Variants in CCNY observed in about 807,000 individuals in gnomAD.
CCNY encodes cyclin Y.
CCNY carries 19 observed loss-of-function variants against 42.8 expected under a neutral mutation model. That is an observed-to-expected ratio of 0.44 (90% CI 0.31 to 0.65). CCNY has a LOEUF of 0.65. CCNY is among the 30% of genes least tolerant of loss of function. The pLI, the probability that CCNY is intolerant of heterozygous loss-of-function variation, is 0.07. For missense variants in CCNY, 370 were observed against 437.3 expected (o/e 0.85, Z 1.37); for synonymous variants, 165 against 162.7 (o/e 1.01, Z -0.11).
chr10:35,527,659 A>G (rs1006397773), intron 5 of CCNY, among the ~76,000 whole-genome samples: 2 of 152,258 alleles, frequency 1.3e-5, no homozygotes, highest in South Asian at 2.1e-4. Context: ...GCTCTCCTAG[A>G]TTAATGATGA....
intron 1 of CCNY, among the ~76,000 whole-genome samples, chr10:35,413,872 G>GGA (rs1305873489): frequency 2.0e-5 from 3 of 152,138 alleles, no homozygotes; most frequent in Non-Finnish European, 2.9e-5. Flanking sequence ...GAGAAGTGAG[G>GGA]GAGAGAGAGA....
At chr10:35,281,889 G>A (rs1412216328) in intron 3 of CCNY, among the ~76,000 whole-genome samples, 1 of 152,098 alleles carries the variant, frequency 6.6e-6, no homozygotes, top group Non-Finnish European at 1.5e-5. Context: ...AATGAGATAT[G>A]TTTTATCTCT....
chr10:35,266,354 C>A (rs112509669), intron 3 of CCNY, among the ~76,000 whole-genome samples: 2 of 148,642 alleles, frequency 1.3e-5, no homozygotes, highest in Admixed American at 6.9e-5. Context: ...CCAGCTTTGG[C>A]CTCCCAAAGT....
At chr10:35,341,930 C>T (rs181708316) in intron 1 of CCNY, among the ~76,000 whole-genome samples, 89 of 152,262 alleles carry the variant, frequency 5.8e-4, no homozygotes, top group Non-Finnish European at 3.1e-4. Context: ...TGTGGCCTTA[C>T]ATCCTTAAGG....
intron 7 of CCNY, among the ~76,000 whole-genome samples, chr10:35,542,633 C>T (rs1304476427): frequency 1.3e-5 from 2 of 152,164 alleles, no homozygotes; most frequent in Non-Finnish European, 2.9e-5. Context: ...TTGGCAGGGC[C>T]CAGCCATTGC....
chr10:35,542,779 A>G (rs1841031080), intron 7 of CCNY, among the ~76,000 whole-genome samples: 1 of 152,234 alleles, frequency 6.6e-6, no homozygotes, highest in Non-Finnish European at 1.5e-5. Flanking sequence ...TTTATGGGTC[A>G]CTTTTAATAG....
chr10:35,390,689 G>T (rs1046215720), intron 1 of CCNY, among the ~76,000 whole-genome samples: 3 of 152,112 alleles, frequency 2.0e-5, no homozygotes, highest in African/African-American at 7.2e-5. Context: ...TCTTCCCTCA[G>T]TAACCCCCAG....
intron 1 of CCNY, among the ~76,000 whole-genome samples, chr10:35,445,288 T>C (rs1345034103): frequency 6.6e-6 from 1 of 152,206 alleles, no homozygotes; most frequent in Admixed American, 6.5e-5. Flanking sequence ...CCTGCTCTTC[T>C]GCCTCCCACT....
intron 2 of CCNY, among the ~76,000 whole-genome samples, chr10:35,490,895 C>T (rs1186889791): frequency 6.6e-6 from 1 of 152,238 alleles, no homozygotes; most frequent in Non-Finnish European, 1.5e-5. Context: ...TCCTGCATCA[C>T]ACCTCAGCCC....
chr10:35,295,798 A>T (rs1280538058), intron 3 of CCNY, among the ~76,000 whole-genome samples: 1 of 152,126 alleles, frequency 6.6e-6, no homozygotes, highest in Non-Finnish European at 1.5e-5. Context: ...GTTCATCCAT[A>T]TCATATCACG....
intron 3 of CCNY, among the ~76,000 whole-genome samples, chr10:35,290,373 G>A (rs1303241701): frequency 6.6e-6 from 1 of 150,516 alleles, no homozygotes; most frequent in Non-Finnish European, 1.5e-5. Flanking sequence ...CTGAGATTGT[G>A]CCACTGCACT....
At chr10:35,514,127 C>G (rs1840380376) in intron 3 of CCNY, among the ~76,000 whole-genome samples, 3 of 146,734 alleles carry the variant, frequency 2.0e-5, no homozygotes, top group Non-Finnish European at 4.5e-5. Flanking sequence ...AAGAGCATTT[C>G]TAGTAGAAGG....
chr10:35,557,087 C>G (rs557915324), intron 8 of CCNY, among the ~76,000 whole-genome samples: 1 of 152,266 alleles, frequency 6.6e-6, no homozygotes, highest in South Asian at 2.1e-4. Flanking sequence ...CTTAGGTGAT[C>G]TGCCCACCTC....
chr10:35,537,062 T>G (rs193192414), intron 7 of CCNY, among the ~76,000 whole-genome samples: 2 of 152,158 alleles, frequency 1.3e-5, no homozygotes, highest in Non-Finnish European at 2.9e-5. Context: ...TCCTGTGCTA[T>G]GTGCAGTCTA....
At chr10:35,293,078 C>A (rs532485181) in intron 3 of CCNY, among the ~76,000 whole-genome samples, 2 of 152,300 alleles carry the variant, frequency 1.3e-5, no homozygotes, top group South Asian at 2.1e-4. Context: ...CCGTGCCCGG[C>A]CTGTTATCCT....
chr10:35,558,402 T>C (rs1301906595), intron 8 of CCNY, among the ~76,000 whole-genome samples: 1 of 152,358 alleles, frequency 6.6e-6, no homozygotes, highest in South Asian at 2.1e-4. Context: ...TTCCTAATGC[T>C]GTGTTCTCAA....
rs577742928 is a variant in CCNY, at chr10:35,337,791, C to G, written c.154+584C>G. On this transcript the variant is annotated intron_variant, in intron 1 of 9. Transcript: ENST00000374704. Reference sequence around the variant, plus strand: ...TTCCAGGATTAGTCAAATAGCTTCTCCCGAGAATGCTCTTTAAAAGATTGT... The same window carrying G: ...TTCCAGGATTAGTCAAATAGCTTCTGCCGAGAATGCTCTTTAAAAGATTGT... 7.2e-5 allele frequency among the ~76,000 whole-genome samples: 11 copies of G among 152,048 alleles called. No homozygotes were observed. In the South Asian group the frequency reaches 2.3e-3, roughly 32 times the overall value.
chr10:35,543,079 T>C (rs1400601355), intron 7 of CCNY, among the ~76,000 whole-genome samples: 2 of 152,256 alleles, frequency 1.3e-5, no homozygotes, highest in Non-Finnish European at 2.9e-5. Flanking sequence ...TTTCATTTTT[T>C]AAAAAATTTC....
chr10:35,468,791 A>G (rs1048040024), intron 1 of CCNY, among the ~76,000 whole-genome samples: 2 of 152,184 alleles, frequency 1.3e-5, no homozygotes, highest in African/African-American at 4.8e-5. Flanking sequence ...TCTGGGCTAC[A>G]TGTATAAAGT....
Sources: gnomAD v4.1 joint callset for allele counts (sites outside exome capture counted in the v4.1 genomes callset) on GRCh38, gnomAD v4.1.1 for gene constraint, MANE v1.5 for transcripts, NCBI Gene and HGNC (gene_info 2026-07-23, HGNC 2026-07-21) for gene names.